The following KCNQ5 variants were observed in gnomAD, a reference collection of about 807,000 sequenced individuals.
The protein encoded by KCNQ5 is potassium voltage-gated channel subfamily Q member 5.
KCNQ5 carries 30 observed loss-of-function variants against 98.2 expected under a neutral mutation model. That is an observed-to-expected ratio of 0.31 (90% CI 0.23 to 0.41). KCNQ5 has a LOEUF of 0.41. Ranked by LOEUF, KCNQ5 falls within the 10% of genes least tolerant of loss-of-function variation. The pLI, the probability that KCNQ5 is intolerant of heterozygous loss-of-function variation, is 1.00. For synonymous variants in KCNQ5, 458 were observed against 449.4 expected (o/e 1.02, Z -0.24); for missense variants, 835 against 1,182.5 (o/e 0.71, Z 4.31).
chr6:72,845,257 T>C (rs1776971562), intron 1 of KCNQ5, among the ~76,000 whole-genome samples: 1 of 152,162 alleles, frequency 6.6e-6, no homozygotes, highest in Admixed American at 6.5e-5. Flanking sequence ...CATTTGTCAC[T>C]AGAAAATAAA....
At chr6:73,154,864 T>C (rs1777297199) in intron 10 of KCNQ5, among the ~76,000 whole-genome samples, 2 of 152,080 alleles carry the variant, frequency 1.3e-5, no homozygotes, top group African/African-American at 4.8e-5. Context: ...GATTTTGAAG[T>C]ATACCTAGTC....
At chr6:73,190,804 T>C (rs1464985143) in intron 12 of KCNQ5, 100 bp downstream of exon 12, 1 of 709,970 alleles carries the variant, frequency 1.4e-6, no homozygotes, top group African/African-American at 1.8e-5. Context: ...TCCATATTTT[T>C]CATTCATTTT....
chr6:72,889,643 G>A (rs1778983244), intron 1 of KCNQ5, among the ~76,000 whole-genome samples: 1 of 152,060 alleles, frequency 6.6e-6, no homozygotes, highest in Non-Finnish European at 1.5e-5. Flanking sequence ...GGTTTCAGTG[G>A]CACAAAGAAG....
chr6:72,629,789 T>C (rs916271977), intron 1 of KCNQ5, among the ~76,000 whole-genome samples: 2 of 152,230 alleles, frequency 1.3e-5, no homozygotes, highest in African/African-American at 2.4e-5. Flanking sequence ...ATTTCCTTTT[T>C]CTTCAGCCAT....
In KCNQ5 at chr6:72,869,300, G is replaced by A. The variant is rs544560278; in HGVS notation, c.399-134608G>A. Among the ~76,000 whole-genome samples, 8 of 152,230 alleles carry A rather than the reference G, an allele frequency of 5.3e-5. No individual in the cohort carries two copies. The South Asian group carries it at 8.3e-4, about 16-fold the overall frequency. On this transcript the variant is annotated intron_variant, in intron 1 of 13. Transcript: ENST00000370398. ...GTCAAACCGGAATTCCTTCTATCCCGGACATGTGGGGATCTGAGCTTGGGG... is the reference window on the plus strand; with the variant it reads ...GTCAAACCGGAATTCCTTCTATCCCAGACATGTGGGGATCTGAGCTTGGGG...
intron 5 of KCNQ5, among the ~76,000 whole-genome samples, chr6:73,103,489 G>A (rs867606316): frequency 6.6e-6 from 1 of 151,992 alleles, no homozygotes; most frequent in African/African-American, 2.4e-5. Flanking sequence ...CTGTCATGGG[G>A]GGGGGGGAGA....
chr6:73,113,580 C>A (rs1163124421), intron 7 of KCNQ5, among the ~76,000 whole-genome samples: 12 of 152,220 alleles, frequency 7.9e-5, no homozygotes, highest in Admixed American at 2.6e-4. Context: ...GGCTGCCATA[C>A]CATACAAAAG....
intron 1 of KCNQ5, among the ~76,000 whole-genome samples, chr6:72,713,581 A>G (rs375309082): frequency 1.1e-4 from 17 of 152,132 alleles, no homozygotes; most frequent in African/African-American, 3.9e-4. Context: ...TCTCCAGTCA[A>G]TATTCCATAT....
chr6:72,789,772 A>G (rs1404600325), intron 1 of KCNQ5, among the ~76,000 whole-genome samples: 3 of 152,188 alleles, frequency 2.0e-5, no homozygotes, highest in Non-Finnish European at 1.5e-5. Flanking sequence ...CAGGAAAGGA[A>G]CTCAAAACAT....
chr6:73,055,780 A>G, intron 3 of KCNQ5: 4 of 924,576 alleles, frequency 4.3e-6, no homozygotes, highest in Non-Finnish European at 7.1e-6. Context: ...AGCCCAGCCC[A>G]CGCAGTTCCT....
chr6:72,655,028 CTTTCTT>C (rs1766085140), intron 1 of KCNQ5, among the ~76,000 whole-genome samples: 3 of 46,370 alleles, frequency 6.5e-5, no homozygotes, highest in African/African-American at 1.0e-4. Context: ...GTCTGTCTGT[CTTTCTT>C]TCTTTCTTTC....
intron 1 of KCNQ5, among the ~76,000 whole-genome samples, chr6:72,980,920 A>G (rs1768409696): frequency 6.6e-6 from 1 of 152,006 alleles, no homozygotes; most frequent in Non-Finnish European, 1.5e-5. Context: ...GAGATAATCA[A>G]GTGGTTTTTG....
chr6:73,037,457 A>G (rs1448308707), intron 2 of KCNQ5, among the ~76,000 whole-genome samples: 2 of 152,192 alleles, frequency 1.3e-5, no homozygotes, highest in Admixed American at 6.5e-5. Flanking sequence ...AATCCCAAAA[A>G]TATCTCCATT....
At chr6:73,046,051 C>T (rs1300029803) in intron 3 of KCNQ5, among the ~76,000 whole-genome samples, 1 of 152,036 alleles carries the variant, frequency 6.6e-6, no homozygotes, top group South Asian at 2.1e-4. Context: ...TTAAAATCGA[C>T]CACATGGCTG....
At chr6:73,109,976 T>C (rs1017947189) in intron 6 of KCNQ5, among the ~76,000 whole-genome samples, 28 of 152,152 alleles carry the variant, frequency 1.8e-4, no homozygotes, top group African/African-American at 6.5e-4. Context: ...GAAGGAAGGT[T>C]AAAGGTTATC....
chr6:72,748,174 G>C (rs1009540121), intron 1 of KCNQ5, among the ~76,000 whole-genome samples: 1 of 152,044 alleles, frequency 6.6e-6, no homozygotes, highest in African/African-American at 2.4e-5. Context: ...GTTGATGTGT[G>C]ATAGTTGTTT....
intron 1 of KCNQ5, chr6:72,630,579 T>C (rs559539394): frequency 5.9e-5 from 9 of 152,320 alleles, no homozygotes; most frequent in African/African-American, 1.4e-4. Context: ...TCAACTTTAC[T>C]TTTCCTATAC....
chr6:73,046,363 G>A (rs1771956405), intron 3 of KCNQ5, among the ~76,000 whole-genome samples: 1 of 152,084 alleles, frequency 6.6e-6, no homozygotes, highest in Non-Finnish European at 1.5e-5. Flanking sequence ...AACTCCCTCA[G>A]TGCATGTAGA....
chr6:72,778,031 A>G (rs1773250349), intron 1 of KCNQ5, among the ~76,000 whole-genome samples: 1 of 152,208 alleles, frequency 6.6e-6, no homozygotes, highest in Non-Finnish European at 1.5e-5. Context: ...TGAAAGTCAA[A>G]GGTCACGGTA....
Sources: allele counts gnomAD v4.1 joint callset (sites outside exome capture counted in the v4.1 genomes callset), GRCh38; gene constraint gnomAD v4.1.1; transcripts MANE v1.5; gene names NCBI Gene and HGNC (gene_info 2026-07-23, HGNC 2026-07-21).